PLXNA2: variants seen among roughly 807,000 people sequenced by gnomAD.
PLXNA2 encodes plexin A2.
Under a neutral mutation model 193.5 loss-of-function variants are expected in PLXNA2, and 91 were observed. The observed-to-expected ratio is 0.47, with a 90% confidence interval of 0.40 to 0.56. The LOEUF (loss-of-function observed/expected upper bound fraction) is 0.56, where lower values mean the gene tolerates loss of function less well. PLXNA2 is among the 20% of genes least tolerant of loss of function. PLXNA2 has a pLI of 0.00. For missense variants in PLXNA2, 1,995 were observed against 2,503.2 expected (o/e 0.80, Z 4.33); for synonymous variants, 997 against 1,027.3 (o/e 0.97, Z 0.56).
At position 208,096,333 on chromosome 1, in the gene PLXNA2, C is replaced by T. The variant is rs75349632; in HGVS notation, c.1886-208G>A. Among the ~76,000 whole-genome samples the T allele has an allele frequency of 4.6e-5, 7 of 152,306 alleles. No individual in the cohort carries two copies. The East Asian group carries it at 1.4e-3, about 29-fold the overall frequency. On this transcript the variant is annotated intron_variant, in intron 7 of 31. Coordinates refer to ENST00000367033, the MANE Select transcript of PLXNA2 (RefSeq NM_025179.4). ...CCCACCCCTCAGACCCAGACTTCCT[C>T]TGCCTGCAGGGAGGAAGAAGCAGAT... is the stretch of plus-strand genomic sequence containing the variant.
intron 6 of PLXNA2, among the ~76,000 whole-genome samples, chr1:208,098,109 G>C (rs1287713664): frequency 1.3e-5 from 2 of 152,092 alleles, no homozygotes; most frequent in Non-Finnish European, 2.9e-5. Context: ...TTTGTTTGCT[G>C]CTGAATCTCT....
intron 3 of PLXNA2, among the ~76,000 whole-genome samples, chr1:208,182,111 G>A (rs1342072552): frequency 6.6e-6 from 1 of 152,126 alleles, no homozygotes; most frequent in Non-Finnish European, 1.5e-5. Context: ...CCAGTAGAAG[G>A]AGATGAGCAA....
intron 27 of PLXNA2, 61 bp downstream of exon 27, chr1:208,034,432 G>A: frequency 4.8e-6 from 5 of 1,051,522 alleles, no homozygotes; most frequent in Non-Finnish European, 7.5e-6. Flanking sequence ...TAGCGAGTGG[G>A]CCCTGCTAGG....
rs1664768307 is a variant in PLXNA2 at position 208,039,002 on chromosome 1, A to C, written c.4501-18T>G. ...TTCAGGATCTACAAGTAGGGGACAG[A>C]GGGTGAGCAGGACAGGAGTTGAAGG... On this transcript the variant is annotated intron_variant, in intron 24 of 31. Coordinates refer to ENST00000367033, the MANE Select transcript of PLXNA2 (RefSeq NM_025179.4). 6.2e-7 allele frequency: 1 copy of C among 1,611,164 alleles called. No individual in the cohort carries two copies. The highest frequency in any genetic ancestry group is 8.5e-7 in the Non-Finnish European group (1 of 1,177,924).
intron 1 of PLXNA2, among the ~76,000 whole-genome samples, chr1:208,225,670 CTAA>C (rs1298417304): frequency 1.3e-5 from 2 of 152,152 alleles, no homozygotes; most frequent in African/African-American, 4.8e-5. Context: ...AGGGTAGGCT[CTAA>C]TGCGGTGTGA....
intron 1 of PLXNA2, among the ~76,000 whole-genome samples, chr1:208,231,492 C>T (rs1671691100): frequency 1.3e-5 from 2 of 152,156 alleles, no homozygotes; most frequent in African/African-American, 2.4e-5. Context: ...CCGCCCTCCC[C>T]TCCACACGCC....
In PLXNA2 at chr1:208,051,327, A is replaced by G; in HGVS notation, c.3090T>C (p.Asp1030=). 6.2e-7 allele frequency: 1 copy of G among 1,613,838 alleles called. No homozygotes were observed. The highest frequency in any genetic ancestry group is 8.5e-7 in the Non-Finnish European group (1 of 1,179,934). The part of the protein sequence containing the change: ...VSVSVDRAHV[D]SNLQFEYIDD... ...CTATGTACTCAAACTGCAGGTTGCTATCCACATGGGCTCGGTCGACACTCA... is the reference window on the plus strand; with the variant it reads ...CTATGTACTCAAACTGCAGGTTGCTGTCCACATGGGCTCGGTCGACACTCA... The change falls in exon 16 of 32, where the codon GAT becomes GAC. Residue 1030 remains aspartate, a synonymous_variant. Transcript: ENST00000367033.
At chr1:208,095,769 A>C (rs1208986848) in intron 8 of PLXNA2, among the ~76,000 whole-genome samples, 2 of 152,108 alleles carry the variant, frequency 1.3e-5, no homozygotes, top group African/African-American at 4.8e-5. Flanking sequence ...TCTTTTTACT[A>C]TCTTGGCCTG....
At chr1:208,140,029 G>T (rs565878593) in intron 4 of PLXNA2, among the ~76,000 whole-genome samples, 15 of 152,310 alleles carry the variant, frequency 9.8e-5, no homozygotes, top group East Asian at 9.7e-4. Flanking sequence ...ACCAGAGGCA[G>T]CCCATGGCAT....
chr1:208,031,062 A>AT (rs1291978181), intron 29 of PLXNA2: 2 of 989,854 alleles, frequency 2.0e-6, no homozygotes, highest in Non-Finnish European at 2.4e-6. Context: ...TTGCAATGAA[A>AT]TCCTCCCTGT....
chr1:208,126,100 G>A (rs1667968408), intron 4 of PLXNA2, among the ~76,000 whole-genome samples: 1 of 152,208 alleles, frequency 6.6e-6, no homozygotes, highest in Admixed American at 6.5e-5. Context: ...AGCTCCTTAA[G>A]ATGAGATGGT....
chr1:208,176,602 G>A lies in PLXNA2; in HGVS notation c.1371+33678C>T, dbSNP rs558680817. On this transcript the variant is annotated intron_variant, in intron 3 of 31. Coordinates refer to ENST00000367033, the MANE Select transcript of PLXNA2 (RefSeq NM_025179.4). ...AGGTAGATAGAAAGTGCCAGGGAAA[G>A]AGGGTGATTTTACCCAGGGACATAT... is the stretch of plus-strand genomic sequence containing the variant. Among the ~76,000 whole-genome samples the A allele has an allele frequency of 2.6e-5, 4 of 152,366 alleles. No individual in the cohort carries two copies. The South Asian group carries it at 8.3e-4, about 32-fold the overall frequency.
At chr1:208,219,628 G>A (rs1357462608) in intron 1 of PLXNA2, among the ~76,000 whole-genome samples, 2 of 152,174 alleles carry the variant, frequency 1.3e-5, no homozygotes, top group Non-Finnish European at 2.9e-5. Context: ...ACACCACTTA[G>A]AGAATCCCCT....
chr1:208,115,498 C>T (rs559524253), intron 4 of PLXNA2, among the ~76,000 whole-genome samples: 11 of 152,288 alleles, frequency 7.2e-5, no homozygotes, highest in South Asian at 4.1e-4. Flanking sequence ...AGCTGGGACT[C>T]GCACTCAGGC....
intron 12 of PLXNA2, among the ~76,000 whole-genome samples, chr1:208,061,112 C>A (rs1444381249): frequency 6.6e-6 from 1 of 152,162 alleles, no homozygotes; most frequent in East Asian, 1.9e-4. Context: ...AGACTCAAGG[C>A]AGAAAACCAT....
At position 208,046,094 on chromosome 1, in the gene PLXNA2, G is replaced by A. The variant is rs76872162; in HGVS notation, c.3279C>T (p.Thr1093=). The A allele has an allele frequency of 3.5e-5, 57 of 1,614,190 alleles. No individual in the cohort carries two copies. In the African/African-American group the frequency reaches 7.2e-4, roughly 20 times the overall value. ...GAGAGGGTGCCAGGCAGGTGAGGGT[G>A]GTTGTGTTCACAACTTTACACACCT... ...SVNVCKVVNT[T]TLTCLAPSLT... The change falls in exon 18 of 32, where the codon ACC becomes ACT. Residue 1093 remains threonine (T), a synonymous_variant. Transcript: ENST00000367033.
chr1:208,205,538 C>T (rs187217374), intron 3 of PLXNA2, among the ~76,000 whole-genome samples: 1 of 152,306 alleles, frequency 6.6e-6, no homozygotes, highest in African/African-American at 2.4e-5. Context: ...CCCAGGGGAC[C>T]TTGGTCTTCC....
At chr1:208,027,875 G>C in intron 31 of PLXNA2, 134 bp downstream of exon 31, 1 of 717,112 alleles carries the variant, frequency 1.4e-6, no homozygotes. Context: ...GCCTCATAAA[G>C]GAATGATAAT....
At chr1:208,046,192 A>AC in intron 17 of PLXNA2, 75 bp from the exon 18 acceptor site, 10 of 1,498,210 alleles carry the variant, frequency 6.7e-6, no homozygotes, top group Non-Finnish European at 9.0e-6. Context: ...CCGCTCTCCC[A>AC]CCCTCTCTCT....
Sources: allele counts gnomAD v4.1 joint callset (sites outside exome capture counted in the v4.1 genomes callset), GRCh38; gene constraint gnomAD v4.1.1; transcripts MANE v1.5; gene names NCBI Gene and HGNC (gene_info 2026-07-23, HGNC 2026-07-21).